ALK: variants seen among roughly 807,000 people sequenced by gnomAD.
ALK encodes ALK receptor tyrosine kinase, also known as ALK tyrosine kinase receptor.
In ALK, 74 loss-of-function variants were observed where a neutral mutation model predicts 163.1. The ratio of observed to expected loss-of-function variants is 0.45; its 90% CI spans 0.38 to 0.55. ALK has a LOEUF of 0.55. Ranked by LOEUF, ALK falls within the 20% of genes least tolerant of loss-of-function variation. The probability of loss-of-function intolerance (pLI) is 0.00; values close to 1 mark genes in which losing one functional copy is unlikely to be tolerated. For missense variants in ALK, 2,063 were observed against 2,105.3 expected, an observed-to-expected ratio of 0.98 and a Z score of 0.39; for synonymous variants, 960 against 843.2, an observed-to-expected ratio of 1.14 and a Z score of -2.40.
chr2:29,901,307 C>T (rs1393829862), intron 1 of ALK, among the ~76,000 whole-genome samples: 3 of 152,166 alleles, frequency 2.0e-5, no homozygotes, highest in African/African-American at 7.2e-5. Flanking sequence ...CTCTCCAATC[C>T]CCCTTCTCAT....
chr2:29,674,785 G>A (rs367792287), intron 3 of ALK, among the ~76,000 whole-genome samples: 1 of 146,792 alleles, frequency 6.8e-6, no homozygotes, highest in Non-Finnish European at 1.5e-5. Context: ...GTAGAATTCG[G>A]CTGTGAATCC....
chr2:29,257,020 A>G (rs1339536457), intron 11 of ALK, among the ~76,000 whole-genome samples: 6 of 152,200 alleles, frequency 3.9e-5, no homozygotes, highest in Non-Finnish European at 8.8e-5. Flanking sequence ...GGTCACAGTG[A>G]GACTAGCAGT....
chr2:29,694,898 C>G lies in ALK; in HGVS notation c.904G>C (p.Asp302His), dbSNP rs1275855734. 2 of 1,613,988 alleles carry G rather than the reference C, an allele frequency of 1.2e-6. No individual in the cohort carries two copies. Among genetic ancestry groups the G allele is most frequent in the African/African-American group, 1.3e-5 (1 of 74,918 alleles). Residue 302 changes from aspartate to histidine, a missense_variant, in exon 3 of 29, where the codon GAC (aspartate) becomes CAC (histidine). This residue lies in a region of ALK where 987 missense variants were observed against 939.5 expected (regional missense o/e 1.05). Coordinates refer to ENST00000389048, the MANE Select transcript of ALK (RefSeq NM_004304.5). ...TCTGCCCCAGGCCCATCCAGCAAGT[C>G]CATCTGGGAGGCCTCCTCGGAGGGG... ...RIPSEEASQM[D>H]LLDGPGAERS... is the part of the protein sequence containing the mutation.
chr2:29,792,814 T>C (rs936183496), intron 1 of ALK, among the ~76,000 whole-genome samples: 6 of 152,222 alleles, frequency 3.9e-5, no homozygotes, highest in African/African-American at 1.4e-4. Context: ...ATACACATCT[T>C]AATTTAAAAA....
At chr2:29,198,053 T>C (rs550676169) in intron 26 of ALK, among the ~76,000 whole-genome samples, 2 of 152,346 alleles carry the variant, frequency 1.3e-5, no homozygotes, top group East Asian at 1.9e-4. Context: ...AAACATTCCA[T>C]TGAGTAGTTG....
At chr2:29,769,959 T>C (rs1400142343) in intron 1 of ALK, among the ~76,000 whole-genome samples, 1 of 152,194 alleles carries the variant, frequency 6.6e-6, no homozygotes, top group African/African-American at 2.4e-5. Flanking sequence ...GGATTAGGCA[T>C]TGATTGTGCT....
intron 1 of ALK, among the ~76,000 whole-genome samples, chr2:29,856,035 T>C (rs891922943): frequency 2.0e-5 from 3 of 152,252 alleles, no homozygotes; most frequent in Non-Finnish European, 4.4e-5. Context: ...ATGCATATTC[T>C]GTGTACTGAT....
At chr2:29,442,539 C>T (rs992008718) in intron 4 of ALK, among the ~76,000 whole-genome samples, 1 of 152,074 alleles carries the variant, frequency 6.6e-6, no homozygotes, top group African/African-American at 2.4e-5. Context: ...CTTCAATATT[C>T]TCCCTTGAGT....
chr2:29,375,571 C>T (rs1360762039), intron 5 of ALK, among the ~76,000 whole-genome samples: 1 of 152,144 alleles, frequency 6.6e-6, no homozygotes, highest in Non-Finnish European at 1.5e-5. Context: ...CCCGCCTCGG[C>T]CTCCCAAAGT....
Position 29,696,660 on chromosome 2 carries a change from T to C in ALK, c.788-1646A>G, listed in dbSNP as rs142837145. 1.7e-3 allele frequency among the ~76,000 whole-genome samples: 264 copies of C among 151,578 alleles called. 2 individuals are homozygous for C. The highest frequency in any genetic ancestry group is 6.1e-3 in the African/African-American group (251 of 41,312). ...GTGGCCCCTGTCACCTTTAGATCAT[T>C]AGCGTATCATTATAATGCAAAAGTC... On this transcript the variant is annotated intron_variant, in intron 2 of 28. Coordinates refer to ENST00000389048, the MANE Select transcript of ALK (RefSeq NM_004304.5).
chr2:29,314,618 G>A (rs1443591272), intron 8 of ALK, among the ~76,000 whole-genome samples: 1 of 152,136 alleles, frequency 6.6e-6, no homozygotes, highest in African/African-American at 2.4e-5. Flanking sequence ...CTCATTTTTG[G>A]ATCAAATTGC....
chr2:29,920,906 C>G lies in ALK; in HGVS notation c.-247G>C, dbSNP rs763145685. ...GAGACACTCAAGCACACTGGGCTCA[C>G]TGGCTGGGACCTTGAGCCTCCCGCT... is the stretch of plus-strand genomic sequence containing the variant. On this transcript the variant is annotated 5_prime_UTR_variant, in exon 1 of 29. Coordinates refer to ENST00000389048, the MANE Select transcript of ALK (RefSeq NM_004304.5). The G allele has an allele frequency of 3.0e-4, 164 of 547,334 alleles. No homozygotes were observed. Among genetic ancestry groups the G allele is most frequent in the Middle Eastern group, 2.9e-3 (6 of 2,068 alleles). The allele number at this position is 547,334 out of a possible 1,614,324, so 33.9% of individuals were successfully genotyped here.
Position 29,920,648 on chromosome 2 carries a change from G to A in ALK, c.12C>T (p.Ile4=), listed in dbSNP as rs779744459. The A allele has an allele frequency of 6.5e-7, 1 of 1,537,552 alleles. No individual in the cohort carries two copies. Among genetic ancestry groups the A allele is most frequent in the Admixed American group, 1.9e-5 (1 of 51,340 alleles). MGA[I]GLLWLLPLLL... ...GCAGCGGCAGGAGCCACAGGAGCCC[G>A]ATGGCTCCCATCCCGCCGGAGGAGG... Residue 4 remains isoleucine, a synonymous_variant, in exon 1 of 29, where the codon ATC becomes ATT. Transcript: ENST00000389048.
Position 29,211,991 on chromosome 2 carries a change from G to C in ALK, c.3743+1993C>G, listed in dbSNP as rs1433224355. On this transcript the variant is annotated intron_variant, in intron 24 of 28. Transcript: ENST00000389048. Reference sequence around the variant, plus strand: ...TTAACATCATAGCAACAGAGCATTGGGTATCATCAAAATGTCTTGTGGCTG... The same window carrying C: ...TTAACATCATAGCAACAGAGCATTGCGTATCATCAAAATGTCTTGTGGCTG... 2.0e-5 allele frequency among the ~76,000 whole-genome samples: 3 copies of C among 152,142 alleles called. No individual in the cohort carries two copies. In the East Asian group the frequency reaches 5.8e-4, roughly 29 times the overall value.
intron 12 of ALK, among the ~76,000 whole-genome samples, chr2:29,249,780 A>G (rs1170890489): frequency 1.3e-5 from 2 of 152,166 alleles, no homozygotes; most frequent in Non-Finnish European, 2.9e-5. Flanking sequence ...GGCTTGGCTC[A>G]GCAGGAAGGG....
chr2:29,348,595 T>G (rs1668021759), intron 5 of ALK, among the ~76,000 whole-genome samples: 1 of 152,204 alleles, frequency 6.6e-6, no homozygotes, highest in Non-Finnish European at 1.5e-5. Context: ...GGACACTGAT[T>G]GTTTATAGGA....
intron 3 of ALK, among the ~76,000 whole-genome samples, chr2:29,557,231 C>A (rs1465368702): frequency 7.9e-5 from 12 of 152,140 alleles, no homozygotes. Flanking sequence ...TGAGACCTTG[C>A]TCTAAATTCT....
At chr2:29,494,748 T>C (rs1671982783) in intron 4 of ALK, among the ~76,000 whole-genome samples, 1 of 152,122 alleles carries the variant, frequency 6.6e-6, no homozygotes, top group Non-Finnish European at 1.5e-5. Context: ...TTTGGATGCC[T>C]TGATGGGTTT....
intron 26 of ALK, among the ~76,000 whole-genome samples, chr2:29,201,877 T>C (rs1438517740): frequency 2.6e-5 from 4 of 152,054 alleles, no homozygotes; most frequent in Non-Finnish European, 5.9e-5. Flanking sequence ...CAGCTAGCAA[T>C]GTGCAGGATT....
Sources: allele counts gnomAD v4.1 joint callset (sites outside exome capture counted in the v4.1 genomes callset), GRCh38; gene constraint gnomAD v4.1.1; regional missense constraint gnomAD v4.1.1; transcripts MANE v1.5; gene names NCBI Gene and HGNC (gene_info 2026-07-23, HGNC 2026-07-21).